COMMD10: variants seen among roughly 807,000 people sequenced by gnomAD.
The protein encoded by COMMD10 is COMM domain containing 10, also known as COMM domain-containing protein 10.
In COMMD10, 33 loss-of-function variants were observed where a neutral mutation model predicts 28.9. That is an observed-to-expected ratio of 1.14 (90% CI 0.87 to 1.53). COMMD10 has a LOEUF of 1.53. COMMD10 is among the 40% of genes most tolerant of loss of function. COMMD10 has a pLI of 0.00. For synonymous variants in COMMD10, 110 were observed against 81.7 expected (o/e 1.35, Z -1.87); for missense variants, 310 against 233.4 (o/e 1.33, Z -2.14).
chr5:116,168,618 A>G (rs866252024), intron 5 of COMMD10, among the ~76,000 whole-genome samples: 5 of 152,212 alleles, frequency 3.3e-5, no homozygotes, highest in African/African-American at 1.2e-4. Context: ...AAAGAATGGA[A>G]ATCATAACAG....
At chr5:116,157,003 A>G (rs1242476726) in intron 5 of COMMD10, among the ~76,000 whole-genome samples, 2 of 152,138 alleles carry the variant, frequency 1.3e-5, no homozygotes, top group Non-Finnish European at 2.9e-5. Flanking sequence ...CTGCCTAGAG[A>G]TCTCAGGCAA....
chr5:116,135,733 T>C (rs1580477493), intron 5 of COMMD10, among the ~76,000 whole-genome samples: 2 of 152,200 alleles, frequency 1.3e-5, no homozygotes, highest in South Asian at 4.1e-4. Flanking sequence ...AACTTTATCA[T>C]AGGTTTGTAT....
chr5:116,201,906 C>CT (rs1483586349), intron 5 of COMMD10, among the ~76,000 whole-genome samples: 4 of 151,820 alleles, frequency 2.6e-5, no homozygotes, highest in African/African-American at 9.7e-5. Context: ...TATTATTATA[C>CT]TTTAAGTTTT....
At chr5:116,116,222 C>CTAGT (rs1415359751) in intron 4 of COMMD10, among the ~76,000 whole-genome samples, 2 of 151,968 alleles carry the variant, frequency 1.3e-5, no homozygotes, top group Non-Finnish European at 2.9e-5. Flanking sequence ...TTGTTAACAA[C>CTAGT]TAGTTGTTTC....
intron 5 of COMMD10, among the ~76,000 whole-genome samples, chr5:116,265,905 T>C (rs1387032909): frequency 6.6e-6 from 1 of 151,750 alleles, no homozygotes; most frequent in Non-Finnish European, 1.5e-5. Flanking sequence ...TAAGAACCTT[T>C]CATCCTACTA....
intron 5 of COMMD10, among the ~76,000 whole-genome samples, chr5:116,198,955 C>A (rs1748596337): frequency 1.3e-5 from 2 of 152,178 alleles, no homozygotes; most frequent in Non-Finnish European, 2.9e-5. Context: ...AAGTCTTCAA[C>A]TCCTTTGGAT....
At chr5:116,144,396 G>A (rs1025089784) in intron 5 of COMMD10, among the ~76,000 whole-genome samples, 8 of 151,776 alleles carry the variant, frequency 5.3e-5, no homozygotes, top group African/African-American at 1.9e-4. Flanking sequence ...GTAGGTGCTA[G>A]TATTTTCCTA....
At chr5:116,127,579 T>C (rs1434338799) in intron 4 of COMMD10, among the ~76,000 whole-genome samples, 2 of 152,182 alleles carry the variant, frequency 1.3e-5, no homozygotes, top group South Asian at 2.1e-4. Context: ...ATATACACCA[T>C]GGAATACTAT....
chr5:116,108,599 C>T (rs747530434), intron 4 of COMMD10, among the ~76,000 whole-genome samples: 2 of 152,202 alleles, frequency 1.3e-5, no homozygotes, highest in South Asian at 2.1e-4. Context: ...GAGAATTTCA[C>T]GTCGGTGGAT....
intron 5 of COMMD10, among the ~76,000 whole-genome samples, chr5:116,256,740 T>C (rs1750297950): frequency 6.6e-6 from 1 of 151,798 alleles, no homozygotes; most frequent in South Asian, 2.1e-4. Context: ...CATAAACATA[T>C]AGGTTGAAGG....
intron 4 of COMMD10, among the ~76,000 whole-genome samples, chr5:116,104,821 G>A (rs948436806): frequency 6.6e-6 from 1 of 152,056 alleles, no homozygotes; most frequent in Non-Finnish European, 1.5e-5. Flanking sequence ...GGGTTTCACT[G>A]TCTTAGCCAG....
At position 116,292,576 on chromosome 5, in the gene COMMD10, G is replaced by C; in HGVS notation, c.*87G>C. Reference sequence around the variant, plus strand: ...ACATTGCCAGGTTGTGTTTTCTGAAGGATTCAGTGACTTGCTTTCTGTAAA... The same window carrying C: ...ACATTGCCAGGTTGTGTTTTCTGAACGATTCAGTGACTTGCTTTCTGTAAA... On this transcript the variant is annotated 3_prime_UTR_variant, in exon 7 of 7. Coordinates refer to ENST00000274458, the MANE Select transcript of COMMD10 (RefSeq NM_016144.4). The C allele has an allele frequency of 9.0e-7, 1 of 1,110,626 alleles. No homozygotes were observed. The highest frequency in any genetic ancestry group is 1.3e-6 in the Non-Finnish European group (1 of 768,418). 68.8% of individuals were successfully genotyped at this position (1,110,626 alleles called of 1,614,324 possible). A position where few individuals can be genotyped will look rare whatever the true frequency, so the allele number is the denominator to read the frequency against.
At chr5:116,151,744 T>C (rs1039091521) in intron 5 of COMMD10, among the ~76,000 whole-genome samples, 2 of 152,200 alleles carry the variant, frequency 1.3e-5, no homozygotes, top group Non-Finnish European at 2.9e-5. Flanking sequence ...GATTCTTCTC[T>C]CTTTTCTTCT....
chr5:116,244,357 A>G (rs1191223365), intron 5 of COMMD10, among the ~76,000 whole-genome samples: 1 of 152,146 alleles, frequency 6.6e-6, no homozygotes, highest in Non-Finnish European at 1.5e-5. Context: ...CATTATGTAG[A>G]ACATAAATTC....
At chr5:116,203,808 G>T (rs1038665799) in intron 5 of COMMD10, among the ~76,000 whole-genome samples, 1 of 151,882 alleles carries the variant, frequency 6.6e-6, no homozygotes. Flanking sequence ...AAAGACCATC[G>T]AGACTAGGAA....
At chr5:116,179,087 A>AT (rs1747853717) in intron 5 of COMMD10, among the ~76,000 whole-genome samples, 1 of 120,926 alleles carries the variant, frequency 8.3e-6, no homozygotes, top group Non-Finnish European at 1.7e-5. Context: ...GCTGAAAGAG[A>AT]ACCATTATGT....
At chr5:116,255,656 T>C (rs935243664) in intron 5 of COMMD10, 1 of 151,642 alleles carries the variant, frequency 6.6e-6, no homozygotes, top group African/African-American at 2.4e-5. Flanking sequence ...TTTATCATTT[T>C]AGTTTGAATT....
intron 4 of COMMD10, among the ~76,000 whole-genome samples, chr5:116,107,440 C>G (rs927669630): frequency 2.0e-5 from 3 of 152,142 alleles, no homozygotes; most frequent in African/African-American, 7.2e-5. Context: ...TCTTCAATAT[C>G]TGATATCCTT....
chr5:116,245,150 C>G (rs886941080), intron 5 of COMMD10, among the ~76,000 whole-genome samples: 11 of 151,826 alleles, frequency 7.2e-5, no homozygotes, highest in African/African-American at 2.4e-4. Flanking sequence ...TAAACACAAT[C>G]AGAAATGATA....
Sources: gnomAD v4.1 joint callset for allele counts (sites outside exome capture counted in the v4.1 genomes callset) on GRCh38, gnomAD v4.1.1 for gene constraint, MANE v1.5 for transcripts, NCBI Gene and HGNC (gene_info 2026-07-23, HGNC 2026-07-21) for gene names.